Variants in TRPS1 observed in about 807,000 individuals in gnomAD.
TRPS1 encodes the protein transcriptional repressor GATA binding 1.
A neutral mutation model predicts 101.2 loss-of-function variants in TRPS1; 6 were observed. That is an observed-to-expected ratio of 0.06 (90% CI 0.03 to 0.12). TRPS1 has a LOEUF of 0.12. TRPS1 is among the 10% of genes least tolerant of loss of function. TRPS1 has a pLI of 1.00. For missense variants in TRPS1, 1,363 were observed against 1,567.0 expected, an observed-to-expected ratio of 0.87 and a Z score of 2.20; for synonymous variants, 578 against 589.8, an observed-to-expected ratio of 0.98 and a Z score of 0.29.
At chr8:115,417,502 A>C (rs1812949777) in intron 6 of TRPS1, among the ~76,000 whole-genome samples, 1 of 152,186 alleles carries the variant, frequency 6.6e-6, no homozygotes, top group African/African-American at 2.4e-5. Flanking sequence ...TTTGTTTACT[A>C]AATGGGGGAT....
chr8:115,652,810 T>C (rs568877277), intron 1 of TRPS1, among the ~76,000 whole-genome samples: 1 of 152,340 alleles, frequency 6.6e-6, no homozygotes, highest in African/African-American at 2.4e-5. Flanking sequence ...TTCACAAATA[T>C]GCCTCATGAG....
chr8:115,602,459 T>C (rs755576834), intron 4 of TRPS1, among the ~76,000 whole-genome samples: 1 of 152,158 alleles, frequency 6.6e-6, no homozygotes, highest in Non-Finnish European at 1.5e-5. Context: ...TGTGAACACA[T>C]ATTTGATGCA....
chr8:115,653,462 G>A (rs1036309535), intron 1 of TRPS1, among the ~76,000 whole-genome samples: 13 of 152,196 alleles, frequency 8.5e-5, no homozygotes, highest in Non-Finnish European at 5.9e-5. Context: ...CAGCATACTA[G>A]TCAAAATAGT....
intron 3 of TRPS1, among the ~76,000 whole-genome samples, chr8:115,614,493 C>A (rs906342311): frequency 6.6e-6 from 1 of 152,200 alleles, no homozygotes; most frequent in African/African-American, 2.4e-5. Flanking sequence ...TTAGCTCTGC[C>A]ATCTCCACTG....
intron 5 of TRPS1, among the ~76,000 whole-genome samples, chr8:115,521,960 C>T (rs1204835869): frequency 2.6e-5 from 4 of 151,870 alleles, no homozygotes; most frequent in South Asian, 2.1e-4. Context: ...TAAACTTAAA[C>T]GTATTATAAA....
intron 5 of TRPS1, among the ~76,000 whole-genome samples, chr8:115,479,679 ATATT>A (rs368988561): frequency 6.6e-6 from 1 of 152,316 alleles, no homozygotes; most frequent in Non-Finnish European, 1.5e-5. Context: ...ATAACAGTCT[ATATT>A]TAACAGACAG....
At chr8:115,628,807 G>A (rs1055410536) in intron 1 of TRPS1, among the ~76,000 whole-genome samples, 1 of 151,730 alleles carries the variant, frequency 6.6e-6, no homozygotes, top group African/African-American at 2.4e-5. Context: ...CCCAAGACTT[G>A]TCTCTAGACT....
intron 1 of TRPS1, among the ~76,000 whole-genome samples, chr8:115,644,451 A>G (rs774635934): frequency 5.9e-5 from 9 of 152,102 alleles, no homozygotes; most frequent in Non-Finnish European, 1.0e-4. Context: ...TCTCTCTCTC[A>G]GCTTTCACCG....
chr8:115,428,977 T>C (rs1813254935), intron 5 of TRPS1, among the ~76,000 whole-genome samples: 1 of 152,200 alleles, frequency 6.6e-6, no homozygotes, highest in African/African-American at 2.4e-5. Context: ...CATGAGCAGA[T>C]AATTTCATGA....
At chr8:115,633,375 G>C (rs1175532024) in intron 1 of TRPS1, among the ~76,000 whole-genome samples, 1 of 152,024 alleles carries the variant, frequency 6.6e-6, no homozygotes, top group Non-Finnish European at 1.5e-5. Context: ...GATTCTGCTG[G>C]TGGTGGTGGT....
intron 5 of TRPS1, among the ~76,000 whole-genome samples, chr8:115,510,014 T>C (rs1463506979): frequency 6.6e-6 from 1 of 151,988 alleles, no homozygotes; most frequent in Non-Finnish European, 1.5e-5. Flanking sequence ...TGAACCCTGA[T>C]TAACAAGGAA....
intron 2 of TRPS1, among the ~76,000 whole-genome samples, chr8:115,621,725 C>A (rs1019315861): frequency 6.6e-6 from 1 of 151,878 alleles, no homozygotes; most frequent in Admixed American, 6.6e-5. Flanking sequence ...GACCAGCTGA[C>A]CAACATGGCG....
At chr8:115,561,856 C>G (rs554449785) in intron 5 of TRPS1, among the ~76,000 whole-genome samples, 1 of 151,898 alleles carries the variant, frequency 6.6e-6, no homozygotes, top group Non-Finnish European at 1.5e-5. Context: ...AACACAATTG[C>G]TAGTAAAAAC....
In TRPS1 at chr8:115,610,172, G is replaced by C. The variant is rs548736602; in HGVS notation, c.967-5170C>G. On this transcript the variant is annotated intron_variant, in intron 3 of 6. Coordinates refer to ENST00000395715, the MANE Select transcript of TRPS1 (RefSeq NM_014112.5). ...TGATAGCAACAGAGACAATTATAAGGGTACTAATTTAAGAGAACTTGAGGT... is the reference window on the plus strand; with the variant it reads ...TGATAGCAACAGAGACAATTATAAGCGTACTAATTTAAGAGAACTTGAGGT... 7.2e-5 allele frequency among the ~76,000 whole-genome samples: 11 copies of C among 152,048 alleles called. 1 individual carries two copies. Among genetic ancestry groups the C allele is most frequent in the African/African-American group, 2.4e-4 (10 of 41,480 alleles).
intron 1 of TRPS1, among the ~76,000 whole-genome samples, chr8:115,646,342 T>C (rs16887600): frequency 0.056 from 8,473 of 152,194 alleles, 647 homozygotes; most frequent in African/African-American, 0.17. Flanking sequence ...AAGGAAAACA[T>C]AGCTACAACC....
intron 4 of TRPS1, among the ~76,000 whole-genome samples, chr8:115,590,954 C>A (rs1400527700): frequency 6.6e-6 from 1 of 151,670 alleles, no homozygotes; most frequent in Non-Finnish European, 1.5e-5. Flanking sequence ...TGTACCTTAA[C>A]CATGACCAAA....
chr8:115,591,987 T>C (rs1026997540), intron 4 of TRPS1, among the ~76,000 whole-genome samples: 1 of 152,136 alleles, frequency 6.6e-6, no homozygotes, highest in South Asian at 2.1e-4. Context: ...CAGAACAATG[T>C]TATATTTTTC....
intron 4 of TRPS1, among the ~76,000 whole-genome samples, chr8:115,597,113 T>C (rs1345345294): frequency 6.6e-6 from 1 of 151,984 alleles, no homozygotes; most frequent in Non-Finnish European, 1.5e-5. Flanking sequence ...TTCTAAAAAA[T>C]GCAATTATGA....
rs1342700908 is a variant in TRPS1 at position 115,414,873 on chromosome 8, G to C, written c.3035C>G (p.Pro1012Arg). The C allele has an allele frequency of 1.2e-6, 2 of 1,612,912 alleles. No individual in the cohort carries two copies. The highest frequency in any genetic ancestry group is 3.3e-5 in the Admixed American group (2 of 59,848). Residue 1012 changes from proline to arginine, a missense_variant, in exon 7 of 7, where the codon CCC (proline) becomes CGC (arginine). Physicochemically the swap from Pro to Arg is moderately radical, Grantham distance 103. This residue lies in a region of TRPS1 where 307 missense variants were observed against 392.4 expected (regional missense o/e 0.78). Coordinates refer to ENST00000395715, the MANE Select transcript of TRPS1 (RefSeq NM_014112.5). This position sits in a 1 kb window ranked among gnomAD's most constrained non-coding sequence, Gnocchi z 4.8. ...TESHQREIPL[P>R]SLSKYEAQGS... ...CTGGGCTTCGTATTTACTTAGGCTG[G>C]GGAGTGGAATTTCTCTCTGGTGACT...
Sources: allele counts gnomAD v4.1 joint callset (sites outside exome capture counted in the v4.1 genomes callset), GRCh38; gene constraint gnomAD v4.1.1; regional missense constraint gnomAD v4.1.1; non-coding constraint Gnocchi (gnomAD v3.1); transcripts MANE v1.5; gene names NCBI Gene and HGNC (gene_info 2026-07-23, HGNC 2026-07-21).